The following LARGE1 variants were observed in gnomAD, a reference collection of about 807,000 sequenced individuals.
LARGE1 encodes the protein LARGE xylosyl- and glucuronyltransferase 1.
A neutral mutation model predicts 87.6 loss-of-function variants in LARGE1; 43 were observed. The observed-to-expected ratio is 0.49, with a 90% CI of 0.38 to 0.63. The LOEUF (loss-of-function observed/expected upper bound fraction) is 0.63. LARGE1 is among the 30% of genes least tolerant of loss of function. The pLI is 0.00. For synonymous variants in LARGE1, 434 were observed against 394.6 expected (o/e 1.10, Z -1.18); for missense variants, 802 against 1,000.2 (o/e 0.80, Z 2.67).
At chr22:33,657,773 AC>A (rs902281962) in intron 2 of LARGE1, among the ~76,000 whole-genome samples, 2 of 152,166 alleles carry the variant, frequency 1.3e-5, no homozygotes, top group Non-Finnish European at 2.9e-5. Flanking sequence ...CTGATAATGC[AC>A]AAAAACAACT....
At chr22:33,783,795 A>C (rs2085509479) in intron 1 of LARGE1, among the ~76,000 whole-genome samples, 1 of 152,124 alleles carries the variant, frequency 6.6e-6, no homozygotes, top group African/African-American at 2.4e-5. Flanking sequence ...TGATTCTGAC[A>C]ATCACTGCTG....
chr22:33,515,821 G>C (rs917443787), intron 6 of LARGE1, among the ~76,000 whole-genome samples: 3 of 152,146 alleles, frequency 2.0e-5, no homozygotes. Flanking sequence ...ATCAGGATGA[G>C]AGGTGACGAG....
chr22:33,411,093 T>C (rs753113219), intron 7 of LARGE1, among the ~76,000 whole-genome samples: 1 of 152,158 alleles, frequency 6.6e-6, no homozygotes, highest in Non-Finnish European at 1.5e-5. Context: ...GATGCTTGGG[T>C]CGTAACTCCT....
chr22:33,907,113 C>T (rs1225502796), intron 1 of LARGE1, among the ~76,000 whole-genome samples: 6 of 152,038 alleles, frequency 3.9e-5, no homozygotes, highest in African/African-American at 1.5e-4. Flanking sequence ...TAACCAACAC[C>T]ACGTGCCAAG....
chr22:33,385,265 G>T (rs769037269), intron 7 of LARGE1, among the ~76,000 whole-genome samples: 3 of 148,338 alleles, frequency 2.0e-5, no homozygotes, highest in Non-Finnish European at 3.0e-5. Flanking sequence ...GCCGGGTGTG[G>T]TGGTGGTTCA....
At chr22:33,750,186 G>A (rs16992967) in intron 2 of LARGE1, among the ~76,000 whole-genome samples, 7,190 of 152,230 alleles carry the variant, frequency 0.047, 259 homozygotes, top group East Asian at 0.2. Flanking sequence ...CGACAGTGCA[G>A]GGATGACACA....
intron 1 of LARGE1, among the ~76,000 whole-genome samples, chr22:33,887,687 ACAT>A (rs1276593739): frequency 6.6e-6 from 1 of 152,000 alleles, no homozygotes; most frequent in African/African-American, 2.4e-5. Context: ...TGGTGAGTTG[ACAT>A]CGTGCCACTG....
chr22:33,576,837 C>T (rs974986501), intron 5 of LARGE1, among the ~76,000 whole-genome samples: 3 of 152,028 alleles, frequency 2.0e-5, no homozygotes, highest in Non-Finnish European at 2.9e-5. Context: ...AATGTAAATA[C>T]TATGTAAATG....
Position 33,709,628 on chromosome 22 carries a change from C to CTT in LARGE1, c.106+51741_106+51742dup, listed in dbSNP as rs1361106062. Reference sequence around the variant, plus strand: ...TACTCTCCATTTTAATTCTTTAATTCTTTTTTTTTTTTTTTGAGACGGAGT... The same window carrying CTT: ...TACTCTCCATTTTAATTCTTTAATTCTTTTTTTTTTTTTTTTTGAGACGGAGT... On this transcript the variant is annotated intron_variant, in intron 2 of 14. Transcript: ENST00000397394. Among the ~76,000 whole-genome samples the CTT allele has an allele frequency of 3.5e-3, 481 of 139,298 alleles. 5 individuals carry two copies. Among genetic ancestry groups the CTT allele is most frequent in the African/African-American group, 0.012 (429 of 37,076 alleles). 91.4% of individuals were successfully genotyped at this position (139,298 alleles called of 152,430 possible).
intron 6 of LARGE1, among the ~76,000 whole-genome samples, chr22:33,522,141 T>C (rs1411298690): frequency 6.6e-6 from 1 of 152,166 alleles, no homozygotes; most frequent in Non-Finnish European, 1.5e-5. Context: ...CCTGAAACAC[T>C]GAGGATCACA....
chr22:33,501,784 T>C (rs2070451028), intron 6 of LARGE1, among the ~76,000 whole-genome samples: 1 of 152,168 alleles, frequency 6.6e-6, no homozygotes, highest in South Asian at 2.1e-4. Flanking sequence ...TTTCAACGGC[T>C]TATAGTCTAG....
At chr22:33,708,496 G>A (rs12157354) in intron 2 of LARGE1, among the ~76,000 whole-genome samples, 2,886 of 152,204 alleles carry the variant, frequency 0.019, 100 homozygotes, top group African/African-American at 0.065. Context: ...TTGCTAGGGC[G>A]GCCCTAACAG....
At chr22:33,635,802 A>C (rs987039016) in intron 3 of LARGE1, among the ~76,000 whole-genome samples, 16 of 152,208 alleles carry the variant, frequency 1.1e-4, no homozygotes, top group Non-Finnish European at 2.1e-4. Context: ...CATGTTACAA[A>C]CCTCCAGGAT....
intron 1 of LARGE1, among the ~76,000 whole-genome samples, chr22:33,850,575 C>T (rs909781962): frequency 1.3e-5 from 2 of 152,172 alleles, no homozygotes; most frequent in African/African-American, 4.8e-5. Flanking sequence ...GACAGACAGT[C>T]GTATTATTAT....
chr22:33,269,710 A>C (rs917195846), downstream of LARGE1, among the ~76,000 whole-genome samples: 1 of 151,980 alleles, frequency 6.6e-6, no homozygotes, highest in Admixed American at 6.6e-5. Flanking sequence ...ATTATCTCTT[A>C]AGACTATATT....
chr22:33,873,226 G>C (rs2064355389), intron 1 of LARGE1: 1 of 152,208 alleles, frequency 6.6e-6, no homozygotes, highest in African/African-American at 2.4e-5. Context: ...TTCCTGGGTG[G>C]CCTGACTTTG....
intron 1 of LARGE1, among the ~76,000 whole-genome samples, chr22:33,769,176 G>C (rs563158228): frequency 6.6e-6 from 1 of 152,252 alleles, no homozygotes; most frequent in East Asian, 1.9e-4. Flanking sequence ...ACGGACTAGG[G>C]TTGGCTCTGA....
At chr22:33,847,958 G>A (rs1335535186) in intron 1 of LARGE1, among the ~76,000 whole-genome samples, 2 of 152,056 alleles carry the variant, frequency 1.3e-5, no homozygotes, top group Non-Finnish European at 2.9e-5. Flanking sequence ...CTAACTGGTG[G>A]TTACAAAAAA....
At chr22:33,164,693 T>C in exon 12 of LARGE1, 1 of 152,052 alleles carries the variant, frequency 6.6e-6, no homozygotes, top group Non-Finnish European at 1.5e-5. Context: ...AATTTTCGTA[T>C]TTTTAAATAG....
Sources: gnomAD v4.1 joint callset for allele counts (sites outside exome capture counted in the v4.1 genomes callset) on GRCh38, gnomAD v4.1.1 for gene constraint, MANE v1.5 for transcripts, NCBI Gene and HGNC (gene_info 2026-07-23, HGNC 2026-07-21) for gene names.